LHFPL6: variants seen among roughly 807,000 people sequenced by gnomAD.
LHFPL6 encodes LHFPL tetraspan subfamily member 6 protein.
In LHFPL6, 9 loss-of-function variants were observed where a neutral mutation model predicts 20.6. That is an observed-to-expected ratio of 0.44 (90% CI 0.26 to 0.76). The LOEUF is 0.76. Ranked by LOEUF, LHFPL6 falls within the 30% of genes least tolerant of loss-of-function variation. LHFPL6 has a pLI of 0.20. For synonymous variants in LHFPL6, 105 were observed against 98.7 expected (o/e 1.06, Z -0.38); for missense variants, 218 against 253.5 (o/e 0.86, Z 0.95).
intron 2 of LHFPL6, among the ~76,000 whole-genome samples, chr13:39,433,156 A>G (rs1252623087): frequency 1.3e-5 from 2 of 152,196 alleles, no homozygotes; most frequent in African/African-American, 4.8e-5. Flanking sequence ...AATTGTTATA[A>G]GGCTCTGATA....
intron 2 of LHFPL6, among the ~76,000 whole-genome samples, chr13:39,560,181 C>T (rs1871427612): frequency 6.6e-6 from 1 of 152,230 alleles, no homozygotes; most frequent in Non-Finnish European, 1.5e-5. Context: ...CAAATACCTC[C>T]TGTTATCAAC....
chr13:39,450,681 T>C lies in LHFPL6; in HGVS notation c.386-72155A>G, dbSNP rs1002136666. On this transcript the variant is annotated intron_variant, in intron 2 of 3. Coordinates refer to ENST00000379589, the MANE Select transcript of LHFPL6 (RefSeq NM_005780.3). ...TGGCTTCTTGATTTGAACCACTAAATAGTGGGGTTTTGGTAGGTCTGAACC... is the reference window on the plus strand; with the variant it reads ...TGGCTTCTTGATTTGAACCACTAAACAGTGGGGTTTTGGTAGGTCTGAACC... Among the ~76,000 whole-genome samples, 8 of 152,154 alleles carry C rather than the reference T, an allele frequency of 5.3e-5. No individual in the cohort carries two copies. In the South Asian group the frequency reaches 1.2e-3, roughly 24 times the overall value.
At chr13:39,352,830 T>C (rs1310103268) in intron 3 of LHFPL6, among the ~76,000 whole-genome samples, 1 of 131,872 alleles carries the variant, frequency 7.6e-6, no homozygotes, top group Non-Finnish European at 1.6e-5. Flanking sequence ...TTTATATATA[T>C]ATATGTGTAT....
chr13:39,590,924 G>A (rs1293660734), intron 2 of LHFPL6, among the ~76,000 whole-genome samples: 1 of 152,138 alleles, frequency 6.6e-6, no homozygotes, highest in Non-Finnish European at 1.5e-5. Flanking sequence ...TCTGGCTACG[G>A]CTGTGTTTGC....
intron 2 of LHFPL6, among the ~76,000 whole-genome samples, chr13:39,503,318 G>A (rs1438199931): frequency 2.0e-5 from 3 of 152,042 alleles, no homozygotes; most frequent in Admixed American, 6.6e-5. Context: ...CCTCTAACAC[G>A]TTTCTTCCAG....
intron 2 of LHFPL6, among the ~76,000 whole-genome samples, chr13:39,378,821 C>G (rs989237334): frequency 6.6e-6 from 1 of 152,178 alleles, no homozygotes; most frequent in African/African-American, 2.4e-5. Context: ...TTAAATCATT[C>G]TTGCAAAAAG....
At chr13:39,597,378 C>T (rs1872801799) in intron 2 of LHFPL6, among the ~76,000 whole-genome samples, 1 of 152,196 alleles carries the variant, frequency 6.6e-6, no homozygotes, top group African/African-American at 2.4e-5. Context: ...GTAAATCTTA[C>T]TAATACGTGC....
At chr13:39,437,787 A>C (rs905783782) in intron 2 of LHFPL6, among the ~76,000 whole-genome samples, 2 of 152,020 alleles carry the variant, frequency 1.3e-5, no homozygotes, top group Admixed American at 1.3e-4. Flanking sequence ...CTGTAGTCCC[A>C]GCTACTTGGG....
chr13:39,429,909 T>C (rs1871742285), intron 2 of LHFPL6, among the ~76,000 whole-genome samples: 1 of 152,236 alleles, frequency 6.6e-6, no homozygotes, highest in South Asian at 2.1e-4. Context: ...CCTTAAAGCA[T>C]ATTTCTTTCC....
chr13:39,426,639 C>T (rs1871645645), intron 2 of LHFPL6, among the ~76,000 whole-genome samples: 1 of 152,194 alleles, frequency 6.6e-6, no homozygotes, highest in African/African-American at 2.4e-5. Flanking sequence ...TCAAGGTTCA[C>T]CCACGGTGCA....
intron 2 of LHFPL6, among the ~76,000 whole-genome samples, chr13:39,380,513 T>G (rs1870410586): frequency 6.6e-6 from 1 of 150,668 alleles, no homozygotes; most frequent in South Asian, 2.1e-4. Flanking sequence ...GGCATCAGTT[T>G]TTTTTTTTTT....
chr13:39,467,511 C>G (rs988671885), intron 2 of LHFPL6, among the ~76,000 whole-genome samples: 3 of 152,148 alleles, frequency 2.0e-5, no homozygotes, highest in Non-Finnish European at 4.4e-5. Context: ...ACCAACCCTG[C>G]TCCTGTCGCT....
At chr13:39,463,039 T>A (rs1311900402) in intron 2 of LHFPL6, among the ~76,000 whole-genome samples, 1 of 152,164 alleles carries the variant, frequency 6.6e-6, no homozygotes, top group African/African-American at 2.4e-5. Context: ...GGGAACCGCA[T>A]GGCTGTAGTC....
At chr13:39,352,872 T>C (rs950601113) in intron 3 of LHFPL6, among the ~76,000 whole-genome samples, 675 of 56,150 alleles carry the variant, frequency 0.012, 11 homozygotes, top group South Asian at 0.024. Context: ...TGTGTATATA[T>C]ATATATAAAT....
chr13:39,483,914 T>A (rs1868625311), intron 2 of LHFPL6, among the ~76,000 whole-genome samples: 1 of 152,244 alleles, frequency 6.6e-6, no homozygotes, highest in Non-Finnish European at 1.5e-5. Flanking sequence ...TGGCATTCCA[T>A]AAGGAGAAGG....
chr13:39,429,601 G>T (rs1184886316), intron 2 of LHFPL6, among the ~76,000 whole-genome samples: 1 of 151,836 alleles, frequency 6.6e-6, no homozygotes, highest in Non-Finnish European at 1.5e-5. Flanking sequence ...TACTGATATT[G>T]ATTTTTCAAT....
intron 2 of LHFPL6, among the ~76,000 whole-genome samples, chr13:39,442,925 TTCTCTCTC>T (rs371232853): frequency 6.7e-6 from 1 of 150,046 alleles, no homozygotes; most frequent in Non-Finnish European, 1.5e-5. Context: ...TCTTGTCTCT[TTCTCTCTC>T]TCTCTCTCTC....
chr13:39,522,794 C>T (rs1186327192), intron 2 of LHFPL6, among the ~76,000 whole-genome samples: 5 of 152,196 alleles, frequency 3.3e-5, no homozygotes, highest in South Asian at 4.1e-4. Context: ...GTGTTTTGTT[C>T]TTCTTGTCAT....
At chr13:39,512,778 C>T (rs114187448) in intron 2 of LHFPL6, among the ~76,000 whole-genome samples, 173 of 152,314 alleles carry the variant, frequency 1.1e-3, no homozygotes, top group African/African-American at 4.1e-3. Flanking sequence ...GACAGCTTGA[C>T]CAGGCCTGGC....
Sources: allele counts gnomAD v4.1 joint callset (sites outside exome capture counted in the v4.1 genomes callset), GRCh38; gene constraint gnomAD v4.1.1; transcripts MANE v1.5; gene names NCBI Gene and HGNC (gene_info 2026-07-23, HGNC 2026-07-21).